The following GPATCH3 variants were observed in gnomAD, a reference collection of about 807,000 sequenced individuals.
GPATCH3 encodes the protein G patch domain-containing protein 3.
A neutral mutation model predicts 53.2 loss-of-function variants in GPATCH3; 45 were observed. The observed-to-expected ratio is 0.85, with a 90% CI of 0.67 to 1.08. GPATCH3 has a LOEUF of 1.08. GPATCH3 is among the 50% of genes least tolerant of loss of function. The probability of loss-of-function intolerance (pLI) is 0.00; values close to 1 mark genes in which losing one functional copy is unlikely to be tolerated. For synonymous variants in GPATCH3, 280 were observed against 270.6 expected (o/e 1.03, Z -0.34); for missense variants, 680 against 687.2 (o/e 0.99, Z 0.12).
Position 26,894,448 on chromosome 1 carries a change from G to C in GPATCH3, c.877-38C>G, listed in dbSNP as rs183238480. 283 of 1,601,654 alleles carry C rather than the reference G, an allele frequency of 1.8e-4. No individual in the cohort carries two copies. In the African/African-American group the frequency reaches 3.4e-3, roughly 19 times the overall value. On this transcript the variant is annotated intron_variant, in intron 2 of 6. Transcript: ENST00000361720. ...GAGAGGTGATTTGCCTGAGCTTCCT[G>C]ACCTCATGCCCCGAGGGAGGGAAGC...
Position 26,890,771 on chromosome 1 carries a change from G to T in GPATCH3, c.*239C>A, listed in dbSNP as rs2081920526. 1.4e-6 allele frequency: 1 copy of T among 736,002 alleles called. No individual in the cohort carries two copies. The highest frequency in any genetic ancestry group is 1.7e-5 in the African/African-American group (1 of 58,142). The allele number at this position is 736,002 out of a possible 1,614,324, so 45.6% of individuals were successfully genotyped here. On this transcript the variant is annotated 3_prime_UTR_variant, in exon 7 of 7. Coordinates refer to ENST00000361720, the MANE Select transcript of GPATCH3 (RefSeq NM_022078.3). ...AGGCAAAGGGCAAGCCCAGAGATTA[G>T]GGTTAGAGACCAAAGACAAGCGGTC...
At chr1:26,891,284 T>G in intron 6 of GPATCH3, 58 bp from the exon 7 acceptor site, 882 of 1,383,096 alleles carry the variant, frequency 6.4e-4, no homozygotes, top group Non-Finnish European at 8.3e-4. Context: ...TTAAAGGGGT[T>G]GGGAGAGGAC....
In GPATCH3 at chr1:26,892,882, T is replaced by C. The variant is rs1360987022; in HGVS notation, c.1112-91A>G. 4.7e-6 allele frequency: 7 copies of C among 1,475,532 alleles called. No individual in the cohort carries two copies. In the South Asian group the frequency reaches 4.9e-5, roughly 10 times the overall value. 91.4% of individuals were successfully genotyped at this position (1,475,532 alleles called of 1,614,324 possible). On this transcript the variant is annotated intron_variant, in intron 4 of 6. Transcript: ENST00000361720. Reference sequence around the variant, plus strand: ...AGGACCCCCTCGTAAGATTGACTTATTCATTTTAATAGTGTTCTGTATCTC... The same window carrying C: ...AGGACCCCCTCGTAAGATTGACTTACTCATTTTAATAGTGTTCTGTATCTC...
intron 2 of GPATCH3, among the ~76,000 whole-genome samples, chr1:26,895,715 G>A (rs1570700371): frequency 6.8e-6 from 1 of 148,124 alleles, no homozygotes; most frequent in East Asian, 2.2e-4. Flanking sequence ...TCAGCTCACT[G>A]CAACCTCCAC....
Position 26,897,617 on chromosome 1 carries a change from G to C in GPATCH3, c.560C>G (p.Pro187Arg), listed in dbSNP as rs2081957215. Residue 187 changes from proline (P) to arginine (R), a missense_variant, in exon 2 of 7, where the codon CCA (proline) becomes CGA (arginine). Transcript: ENST00000361720. ...DLKQLPELNP[P>R]VLMPRGNVGT... ...CACATTCCCTCTGGGCATCAGCACT[G>C]GTGGGTTCAGCTCCGGCAGTTGCTT... is the stretch of plus-strand genomic sequence containing the variant. 6.2e-7 allele frequency: 1 copy of C among 1,614,080 alleles called. No individual in the cohort carries two copies. The highest frequency in any genetic ancestry group is 8.5e-7 in the Non-Finnish European group (1 of 1,180,038).
intron 3 of GPATCH3, 51 bp from the exon 4 acceptor site, chr1:26,893,499 T>G: frequency 7.7e-7 from 1 of 1,306,176 alleles, no homozygotes; most frequent in Non-Finnish European, 1.1e-6. Context: ...CTCTCAGTTC[T>G]ATTAAGAGTT....
intron 4 of GPATCH3, 30 bp from the exon 5 acceptor site, chr1:26,892,821 C>CAT: frequency 6.2e-7 from 1 of 1,606,374 alleles, no homozygotes; most frequent in Non-Finnish European, 8.5e-7. Context: ...TTTATGGAAG[C>CAT]GTCCCTCTCA....
Position 26,891,173 on chromosome 1 carries a change from T to C in GPATCH3, c.1415A>G (p.Asn472Ser). 1 of 1,613,994 alleles carries C rather than the reference T, an allele frequency of 6.2e-7. No individual in the cohort carries two copies. Among genetic ancestry groups the C allele is most frequent in the Non-Finnish European group, 8.5e-7 (1 of 1,179,972 alleles). ...GATGGTGGAGATGAGCCCCAAGCCA[T>C]TTCTACGGGGCCTCTTCAGTTGCCC... ...PFGQLKRPRRNGLGLISTIYD... is the reference protein window; with the variant it reads ...PFGQLKRPRRSGLGLISTIYD... Residue 472 changes from asparagine to serine, a missense_variant, in exon 7 of 7, where the codon AAT (asparagine) becomes AGT (serine). Coordinates refer to ENST00000361720, the MANE Select transcript of GPATCH3 (RefSeq NM_022078.3).
chr1:26,900,080 G>T lies in GPATCH3; in HGVS notation c.363C>A (p.Tyr121Ter). Residue 121 changes from tyrosine to a stop codon, truncating the protein, a stop_gained, in exon 1 of 7, where the codon TAC becomes TAA. Coordinates refer to ENST00000361720, the MANE Select transcript of GPATCH3 (RefSeq NM_022078.3). LOFTEE classifies it high-confidence loss of function. Reference sequence around the variant, plus strand: ...GAGAATCCAGCCACCGGCGGCCCGAGTACATGCGAATAAGCCTCTGAGCTT... The same window carrying T: ...GAGAATCCAGCCACCGGCGGCCCGATTACATGCGAATAAGCCTCTGAGCTT... ...LAQAQRLIRM[Y>*]SGRRWLDSHG... 1 of 1,614,192 alleles carries T rather than the reference G, an allele frequency of 6.2e-7. No homozygotes were observed. Among genetic ancestry groups the T allele is most frequent in the South Asian group, 1.1e-5 (1 of 91,084 alleles).
In GPATCH3 at chr1:26,890,896, C is replaced by T. The variant is rs763354905; in HGVS notation, c.*114G>A. 7 of 1,044,200 alleles carry T rather than the reference C, an allele frequency of 6.7e-6. No homozygotes were observed. Among genetic ancestry groups the T allele is most frequent in the Middle Eastern group, 2.3e-4 (1 of 4,330 alleles). 64.7% of individuals were successfully genotyped at this position (1,044,200 alleles called of 1,614,324 possible). On this transcript the variant is annotated 3_prime_UTR_variant, in exon 7 of 7. Transcript: ENST00000361720. Reference sequence around the variant, plus strand: ...AGGCAGGCAGGCTCGGAACAAAACACCCTGAACCAGCCACGAAGACTGCTG... The same window carrying T: ...AGGCAGGCAGGCTCGGAACAAAACATCCTGAACCAGCCACGAAGACTGCTG...
In GPATCH3 at chr1:26,896,563, G is replaced by C. The variant is rs2081951861; in HGVS notation, c.876+738C>G. The stretch of plus-strand genomic sequence containing the variant: ...AAAAAAAAAAAAATTAGCCGGGCGT[G>C]GTGGCACATGCCTGAAGTCCCAGCT... On this transcript the variant is annotated intron_variant, in intron 2 of 6. Transcript: ENST00000361720. Among the ~76,000 whole-genome samples the C allele has an allele frequency of 2.0e-5, 3 of 150,932 alleles. No homozygotes were observed. In the South Asian group the frequency reaches 6.3e-4, roughly 31 times the overall value.
chr1:26,896,526 C>T lies in GPATCH3; in HGVS notation c.876+775G>A, dbSNP rs113683628. Among the ~76,000 whole-genome samples the T allele has an allele frequency of 4.2e-3, 546 of 130,624 alleles. 5 individuals are homozygous for T. Among genetic ancestry groups the T allele is most frequent in the African/African-American group, 0.016 (525 of 32,958 alleles). The allele number at this position is 130,624 out of a possible 152,430, so 85.7% of individuals were successfully genotyped here. A position where few individuals can be genotyped will look rare whatever the true frequency, so the allele number is the denominator to read the frequency against. On this transcript the variant is annotated intron_variant, in intron 2 of 6. Coordinates refer to ENST00000361720, the MANE Select transcript of GPATCH3 (RefSeq NM_022078.3). The stretch of plus-strand genomic sequence containing the variant: ...TTAACACGGTGAAACCCTGTCTCTA[C>T]TAAAAATAAAAAAAAAAAAAAAAAT...
intron 5 of GPATCH3, 44 bp from the exon 6 acceptor site, chr1:26,892,582 G>A (rs760424786): frequency 6.2e-7 from 1 of 1,605,940 alleles, no homozygotes; most frequent in Non-Finnish European, 8.5e-7. Context: ...GGCTCCTGCT[G>A]GGAGCAGGGA....
chr1:26,893,329 T>C (rs1196629992), intron 4 of GPATCH3, 60 bp downstream of exon 4: 3 of 1,293,406 alleles, frequency 2.3e-6, no homozygotes, highest in African/African-American at 1.5e-5. Flanking sequence ...TCTGGTAAAG[T>C]GTCACTGCAA....
Position 26,891,006 on chromosome 1 carries a change from C to T in GPATCH3, c.*4G>A. ...GTAGCTATGAAAGGAAGCCCCCAACCCGGTCAGTCAGGCAATGAGGGGCTG... is the reference window on the plus strand; with the variant it reads ...GTAGCTATGAAAGGAAGCCCCCAACTCGGTCAGTCAGGCAATGAGGGGCTG... On this transcript the variant is annotated 3_prime_UTR_variant, in exon 7 of 7. Transcript: ENST00000361720. 2 of 1,613,436 alleles carry T rather than the reference C, an allele frequency of 1.2e-6. No homozygotes were observed. The highest frequency in any genetic ancestry group is 1.7e-6 in the Non-Finnish European group (2 of 1,179,454).
At chr1:26,893,719 C>T (rs2081938751) in intron 3 of GPATCH3, among the ~76,000 whole-genome samples, 1 of 152,014 alleles carries the variant, frequency 6.6e-6, no homozygotes, top group Non-Finnish European at 1.5e-5. Flanking sequence ...CGAGGTTTCA[C>T]CATGTTGGCC....
At position 26,890,558 on chromosome 1, in the gene GPATCH3, G is replaced by A; in HGVS notation, c.*452C>T. 1 of 316,840 alleles carries A rather than the reference G, an allele frequency of 3.2e-6. No individual in the cohort carries two copies. The allele number at this position is 316,840 out of a possible 1,614,324, so 19.6% of individuals were successfully genotyped here. ...GCCACCTCCCGCGGACTCTCCGCTGGCAGTCCCACCCAGTGAGGGTAGAGG... is the reference window on the plus strand; with the variant it reads ...GCCACCTCCCGCGGACTCTCCGCTGACAGTCCCACCCAGTGAGGGTAGAGG... On this transcript the variant is annotated 3_prime_UTR_variant, in exon 7 of 7. Transcript: ENST00000361720.
Position 26,893,367 on chromosome 1 carries a change from A to G in GPATCH3, c.1111+22T>C, listed in dbSNP as rs1481892000. The G allele has an allele frequency of 2.5e-6, 4 of 1,594,542 alleles. No individual in the cohort carries two copies. In the Admixed American group the frequency reaches 5.0e-5, roughly 20 times the overall value. Reference sequence around the variant, plus strand: ...CCAGGGCACCTGTTTCACCTCCAGTATTGCCACTCCTTGCCCAGTACCTCT... The same window carrying G: ...CCAGGGCACCTGTTTCACCTCCAGTGTTGCCACTCCTTGCCCAGTACCTCT... On this transcript the variant is annotated intron_variant, in intron 4 of 6. Coordinates refer to ENST00000361720, the MANE Select transcript of GPATCH3 (RefSeq NM_022078.3).
Position 26,893,278 on chromosome 1 carries a change from C to G in GPATCH3, c.1111+111G>C. On this transcript the variant is annotated intron_variant, in intron 4 of 6. Transcript: ENST00000361720. ...GAGGAACCCTCTCAGTGGGCTACCC[C>G]AAGGGAACGGGAACGGTACCCTGTC... 3.4e-6 allele frequency: 3 copies of G among 879,544 alleles called. No homozygotes were observed. In the Middle Eastern group the frequency reaches 6.7e-4, roughly 197 times the overall value. The allele number at this position is 879,544 out of a possible 1,614,324, so 54.5% of individuals were successfully genotyped here. A position where few individuals can be genotyped will look rare whatever the true frequency, so the allele number is the denominator to read the frequency against.
Sources: allele counts gnomAD v4.1 joint callset (sites outside exome capture counted in the v4.1 genomes callset), GRCh38; gene constraint gnomAD v4.1.1; transcripts MANE v1.5; gene names NCBI Gene and HGNC (gene_info 2026-07-23, HGNC 2026-07-21).